Variants in ANKS1B observed in about 807,000 individuals in gnomAD.
ANKS1B encodes the protein ankyrin repeat and sterile alpha motif domain-containing protein 1B.
Under a neutral mutation model 148.3 loss-of-function variants are expected in ANKS1B, and 36 were observed. The ratio of observed to expected loss-of-function variants is 0.24; its 90% CI spans 0.19 to 0.32. The LOEUF (loss-of-function observed/expected upper bound fraction) is 0.32. ANKS1B is among the 10% of genes least tolerant of loss of function. The pLI is 1.00. For missense variants in ANKS1B, 1,157 were observed against 1,542.6 expected, an observed-to-expected ratio of 0.75 and a Z score of 4.19; for synonymous variants, 542 against 560.8, an observed-to-expected ratio of 0.97 and a Z score of 0.47.
At chr12:99,496,884 G>T in intron 10 of ANKS1B, among the ~76,000 whole-genome samples, 1 of 152,168 alleles carries the variant, frequency 6.6e-6, no homozygotes, top group East Asian at 1.9e-4. Context: ...ACCCTCAGCT[G>T]CTCAGCCCCT....
chr12:98,875,167 T>A (rs2099684989), intron 17 of ANKS1B, among the ~76,000 whole-genome samples: 1 of 152,214 alleles, frequency 6.6e-6, no homozygotes, highest in South Asian at 2.1e-4. Context: ...TCCTTGCCTC[T>A]CTTTGGGACC....
At chr12:99,357,376 T>C (rs892870933) in intron 12 of ANKS1B, among the ~76,000 whole-genome samples, 1 of 152,136 alleles carries the variant, frequency 6.6e-6, no homozygotes, top group African/African-American at 2.4e-5. Context: ...CCCTGCATGA[T>C]AGTTAACCCT....
intron 10 of ANKS1B, among the ~76,000 whole-genome samples, chr12:99,446,937 A>C (rs1465519439): frequency 2.6e-5 from 4 of 152,100 alleles, no homozygotes. Flanking sequence ...ATAAGTGATT[A>C]GATTCTGGAC....
rs117258143 is a variant in ANKS1B, at chr12:99,405,250, A to G, written c.1576-5439T>C. 2.4e-3 allele frequency among the ~76,000 whole-genome samples: 345 copies of G among 145,946 alleles called. 16 individuals are homozygous for G. In the East Asian group the frequency reaches 0.041, roughly 17 times the overall value. On this transcript the variant is annotated intron_variant, in intron 11 of 26. Coordinates refer to ENST00000683438, the MANE Select transcript of ANKS1B (RefSeq NM_001352186.2). ...GAGTAAAAAAAACACAGAATAGTAT[A>G]ACACTGTAATTGGGATGTGTGAACT...
intron 9 of ANKS1B, among the ~76,000 whole-genome samples, chr12:99,566,149 T>C (rs2097391022): frequency 6.6e-6 from 1 of 152,194 alleles, no homozygotes. Flanking sequence ...TTTTGCCATC[T>C]GGAGAGGCTG....
At chr12:99,824,283 C>T (rs566923534) in intron 2 of ANKS1B, among the ~76,000 whole-genome samples, 1 of 151,714 alleles carries the variant, frequency 6.6e-6, no homozygotes, top group Non-Finnish European at 1.5e-5. Context: ...GGGCAGATCA[C>T]GAGGTCAGGA....
chr12:98,924,964 T>C (rs1178641670), intron 17 of ANKS1B, among the ~76,000 whole-genome samples: 3 of 152,336 alleles, frequency 2.0e-5, no homozygotes, highest in Non-Finnish European at 4.4e-5. Flanking sequence ...AAAAATTTAA[T>C]ATTCAAAGTC....
chr12:99,780,440 T>C (rs1362844212), intron 5 of ANKS1B, among the ~76,000 whole-genome samples: 6 of 118,518 alleles, frequency 5.1e-5, no homozygotes, highest in Admixed American at 1.7e-4. Flanking sequence ...CATGCCCAAC[T>C]AATTTTTTTT....
At chr12:99,939,773 G>A (rs1003026352) in intron 1 of ANKS1B, among the ~76,000 whole-genome samples, 1 of 152,058 alleles carries the variant, frequency 6.6e-6, no homozygotes, top group Non-Finnish European at 1.5e-5. Context: ...AGTTAGTTAC[G>A]TGTTATAAAA....
chr12:99,783,707 T>A (rs2064634877), intron 4 of ANKS1B, among the ~76,000 whole-genome samples: 1 of 152,042 alleles, frequency 6.6e-6, no homozygotes, highest in African/African-American at 2.4e-5. Flanking sequence ...AGTAACATTA[T>A]GGTTATGAGA....
rs746392833 is a variant in ANKS1B at position 99,782,130 on chromosome 12, C to T, written c.670-33G>A. The T allele has an allele frequency of 1.1e-4, 170 of 1,530,694 alleles. 1 individual carries two copies. In the Middle Eastern group the frequency reaches 5.7e-3, roughly 52 times the overall value. The allele number at this position is 1,530,694 out of a possible 1,614,324, so 94.8% of individuals were successfully genotyped here. ...AAAAAAAGTAAGAAAAAAGAAAGCA[C>T]GGTTGCATTTGGAATGCTTACAGGT... On this transcript the variant is annotated intron_variant, in intron 4 of 26. Coordinates refer to ENST00000683438, the MANE Select transcript of ANKS1B (RefSeq NM_001352186.2).
intron 12 of ANKS1B, among the ~76,000 whole-genome samples, chr12:99,356,138 C>G (rs924554161): frequency 6.6e-6 from 1 of 152,086 alleles, no homozygotes; most frequent in Non-Finnish European, 1.5e-5. Flanking sequence ...AGCCACTACT[C>G]TAGAACTGAT....
chr12:99,967,230 T>C (rs985845758), intron 1 of ANKS1B, among the ~76,000 whole-genome samples: 2 of 152,216 alleles, frequency 1.3e-5, no homozygotes, highest in African/African-American at 4.8e-5. Flanking sequence ...TCCTGTGTAA[T>C]AGGCACTGTG....
At chr12:98,964,698 C>G (rs529525690) in intron 17 of ANKS1B, among the ~76,000 whole-genome samples, 3 of 152,076 alleles carry the variant, frequency 2.0e-5, no homozygotes, top group Non-Finnish European at 2.9e-5. Context: ...TGAAATAAAC[C>G]AGGCACAAAA....
intron 14 of ANKS1B, among the ~76,000 whole-genome samples, chr12:99,235,260 C>T (rs1255446724): frequency 6.6e-6 from 1 of 152,050 alleles, no homozygotes; most frequent in African/African-American, 2.4e-5. Context: ...ATTTTTATGG[C>T]TCAATGGCAC....
intron 1 of ANKS1B, among the ~76,000 whole-genome samples, chr12:99,889,888 C>T (rs993466776): frequency 6.6e-6 from 1 of 152,128 alleles, no homozygotes; most frequent in Non-Finnish European, 1.5e-5. Flanking sequence ...CACAGTGGGG[C>T]TCACACTGTA....
chr12:99,472,427 C>G (rs571279293), intron 10 of ANKS1B, among the ~76,000 whole-genome samples: 1 of 152,202 alleles, frequency 6.6e-6, no homozygotes, highest in South Asian at 2.1e-4. Context: ...TCTTTACACT[C>G]TCAGACCTAA....
intron 8 of ANKS1B, among the ~76,000 whole-genome samples, chr12:99,771,220 G>C (rs2063160795): frequency 6.6e-6 from 1 of 151,870 alleles, no homozygotes; most frequent in Non-Finnish European, 1.5e-5. Flanking sequence ...TCCTCAATTT[G>C]AATTTCTTTT....
At chr12:99,794,114 CA>C (rs1192160589) in intron 4 of ANKS1B, among the ~76,000 whole-genome samples, 1 of 151,916 alleles carries the variant, frequency 6.6e-6, no homozygotes, top group Non-Finnish European at 1.5e-5. Context: ...ATCAAAACTG[CA>C]AAGAAATGTC....
Sources: gnomAD v4.1 joint callset for allele counts (sites outside exome capture counted in the v4.1 genomes callset) on GRCh38, gnomAD v4.1.1 for gene constraint, MANE v1.5 for transcripts, NCBI Gene and HGNC (gene_info 2026-07-23, HGNC 2026-07-21) for gene names.